Variants in USP34 observed in about 807,000 individuals in gnomAD.
The protein encoded by USP34 is ubiquitin carboxyl-terminal hydrolase 34.
A neutral mutation model predicts 460.3 loss-of-function variants in USP34; 70 were observed. That is an observed-to-expected ratio of 0.15 (90% CI 0.13 to 0.19). The LOEUF (loss-of-function observed/expected upper bound fraction) is 0.19, where lower values mean the gene tolerates loss of function less well. Ranked by LOEUF, USP34 falls within the 10% of genes least tolerant of loss-of-function variation. The pLI is 1.00. For missense variants in USP34, 3,985 were observed against 4,236.2 expected, an observed-to-expected ratio of 0.94 and a Z score of 1.65; for synonymous variants, 1,647 against 1,405.3, an observed-to-expected ratio of 1.17 and a Z score of -3.85.
At chr2:61,439,397 C>T (rs1248833535) in intron 1 of USP34, among the ~76,000 whole-genome samples, 1 of 152,152 alleles carries the variant, frequency 6.6e-6, no homozygotes, top group South Asian at 2.1e-4. Flanking sequence ...GCTCCCTCCA[C>T]GAGGATCTGC....
chr2:61,192,816 A>G (rs1686681700), intron 76 of USP34, 85 bp downstream of exon 76: 2 of 1,101,198 alleles, frequency 1.8e-6, no homozygotes, highest in East Asian at 5.1e-5. Context: ...CTTTTCAGCA[A>G]GTCTTCAACC....
intron 1 of USP34, among the ~76,000 whole-genome samples, chr2:61,458,979 T>C (rs190579853): frequency 6.6e-4 from 101 of 152,206 alleles, no homozygotes; most frequent in South Asian, 2.3e-3. Context: ...GGCAGGAGAA[T>C]TGCTTGAACC....
chr2:61,323,648 G>A (rs753933901), intron 21 of USP34, among the ~76,000 whole-genome samples: 2 of 152,114 alleles, frequency 1.3e-5, no homozygotes, highest in African/African-American at 2.4e-5. Flanking sequence ...TGTGGGAGAA[G>A]TGAAGTTTTA....
intron 53 of USP34, 107 bp from the exon 54 acceptor site, chr2:61,236,496 T>A (rs1466509002): frequency 5.1e-6 from 4 of 790,872 alleles, no homozygotes; most frequent in Non-Finnish European, 5.8e-6. Flanking sequence ...CAAAATAAAA[T>A]AAAATCCATG....
intron 1 of USP34, among the ~76,000 whole-genome samples, chr2:61,453,851 TA>T (rs1695354576): frequency 6.6e-6 from 1 of 151,764 alleles, no homozygotes; most frequent in Non-Finnish European, 1.5e-5. Flanking sequence ...ATTAGTTAAA[TA>T]TGTGTCACAT....
chr2:61,241,515 CTT>C (rs1204836791), intron 53 of USP34, 43 bp downstream of exon 53: 3 of 1,442,060 alleles, frequency 2.1e-6, no homozygotes, highest in African/African-American at 2.8e-5. Context: ...TGCATAAACA[CTT>C]AACATATTTT....
chr2:61,197,981 G>C (rs750698563), intron 75 of USP34, among the ~76,000 whole-genome samples: 1 of 152,020 alleles, frequency 6.6e-6, no homozygotes, highest in Admixed American at 6.5e-5. Context: ...GGATGGTCTC[G>C]ATCTCTTGAC....
chr2:61,412,507 T>G (rs143663741), intron 2 of USP34, among the ~76,000 whole-genome samples: 1 of 151,860 alleles, frequency 6.6e-6, no homozygotes, highest in Admixed American at 6.6e-5. Flanking sequence ...TAAAAACCAA[T>G]TAAAATTATA....
intron 1 of USP34, among the ~76,000 whole-genome samples, chr2:61,441,540 C>A (rs1024086786): frequency 2.0e-5 from 3 of 152,076 alleles, no homozygotes; most frequent in Non-Finnish European, 4.4e-5. Flanking sequence ...CTCTCTGGGG[C>A]TAGAGGTGCC....
intron 16 of USP34, 144 bp from the exon 17 acceptor site, chr2:61,339,825 T>G (rs1249591104): frequency 2.8e-6 from 1 of 359,368 alleles, no homozygotes; most frequent in Non-Finnish European, 4.4e-6. Context: ...CAATATTTTG[T>G]TTTGTTTTGT....
rs1429279677 is a variant in USP34 at position 61,348,370 on chromosome 2, A to G, written c.1785T>C (p.Ser595=). 6 of 1,613,956 alleles carry G rather than the reference A, an allele frequency of 3.7e-6. No individual in the cohort carries two copies. The African/African-American group carries it at 8.0e-5, about 22-fold the overall frequency. The change falls in exon 15 of 80, where the codon TCT becomes TCC. Residue 595 remains serine (S), a synonymous_variant. Coordinates refer to ENST00000398571, the MANE Select transcript of USP34 (RefSeq NM_014709.4). ...TCCCAGCTGACTGGCTTGCGTGGCT[A>G]GAATTAACCTCATTGCTAGATCCAT... The part of the protein sequence containing the change: ...HSDGSSNEVN[S]SHASQSAGSP...
intron 5 of USP34, among the ~76,000 whole-genome samples, chr2:61,383,904 G>T (rs989067522): frequency 6.6e-6 from 1 of 151,998 alleles, no homozygotes; most frequent in Non-Finnish European, 1.5e-5. Context: ...TTAGCTTCTT[G>T]CTGAAAAGAC....
At chr2:61,218,292 T>C (rs1216586772) in intron 67 of USP34, among the ~76,000 whole-genome samples, 1 of 139,286 alleles carries the variant, frequency 7.2e-6, no homozygotes, top group Non-Finnish European at 1.5e-5. Context: ...GATCCTATTA[T>C]GGTGGGGTTA....
rs186096144 is a variant in USP34 at position 61,214,029 on chromosome 2, A to C, written c.8682+31T>G. On this transcript the variant is annotated intron_variant, in intron 68 of 79. Coordinates refer to ENST00000398571, the MANE Select transcript of USP34 (RefSeq NM_014709.4). ...ACAGGTATTTCCAATCTATTTGAGG[A>C]TACAGATAAAAGAGTATCAATTTTA... is the stretch of plus-strand genomic sequence containing the variant. The C allele has an allele frequency of 3.4e-4, 553 of 1,611,862 alleles. 3 individuals carry two copies. In the Admixed American group the frequency reaches 8.1e-3, roughly 24 times the overall value.
At chr2:61,353,773 G>C (rs1692025189) in intron 10 of USP34, among the ~76,000 whole-genome samples, 1 of 151,992 alleles carries the variant, frequency 6.6e-6, no homozygotes, top group African/African-American at 2.4e-5. Context: ...GATAGTAAGA[G>C]TAAAGACAGG....
chr2:61,360,890 C>G (rs1692256391), intron 10 of USP34, among the ~76,000 whole-genome samples: 1 of 152,186 alleles, frequency 6.6e-6, no homozygotes, highest in African/African-American at 2.4e-5. Context: ...CTTCTGAGCT[C>G]AAGCTATCAG....
chr2:61,322,057 C>T (rs1690939993), intron 21 of USP34, among the ~76,000 whole-genome samples: 1 of 152,040 alleles, frequency 6.6e-6, no homozygotes, highest in Admixed American at 6.6e-5. Flanking sequence ...GAAGAAACCC[C>T]ATCTCTACTA....
chr2:61,369,983 T>TA (rs35212285), intron 10 of USP34, among the ~76,000 whole-genome samples: 25,944 of 127,530 alleles, frequency 0.2, 2,694 homozygotes, highest in South Asian at 0.36. Context: ...TATGCCTATT[T>TA]AAAAAAAAAA....
chr2:61,388,546 G>A (rs944892956), intron 5 of USP34, among the ~76,000 whole-genome samples: 1 of 150,930 alleles, frequency 6.6e-6, no homozygotes, highest in Middle Eastern at 3.5e-3. Context: ...CATGAGGTCA[G>A]GAGATCGAGA....
Sources: allele counts gnomAD v4.1 joint callset (sites outside exome capture counted in the v4.1 genomes callset), GRCh38; gene constraint gnomAD v4.1.1; transcripts MANE v1.5; gene names NCBI Gene and HGNC (gene_info 2026-07-23, HGNC 2026-07-21).